Variants in RAB40B observed in about 807,000 individuals in gnomAD.
RAB40B encodes the protein ras-related protein Rab-40B.
In RAB40B, 21 loss-of-function variants were observed where a neutral mutation model predicts 24.0. That is an observed-to-expected ratio of 0.88 (90% confidence interval 0.62 to 1.26). The LOEUF is 1.26. RAB40B is among the 50% of genes most tolerant of loss of function. The pLI is 0.00. For missense variants in RAB40B, 348 were observed against 390.5 expected, an observed-to-expected ratio of 0.89 and a Z score of 0.92; for synonymous variants, 167 against 169.8, an observed-to-expected ratio of 0.98 and a Z score of 0.13.
chr17:82,674,911 C>T (rs1015811447), intron 1 of RAB40B, among the ~76,000 whole-genome samples: 2 of 152,100 alleles, frequency 1.3e-5, no homozygotes, highest in East Asian at 1.9e-4. Context: ...CTGACGGCAT[C>T]GTTCAGGCAC....
intron 1 of RAB40B, among the ~76,000 whole-genome samples, chr17:82,683,489 T>C (rs1264935708): frequency 6.6e-6 from 1 of 152,128 alleles, no homozygotes; most frequent in Non-Finnish European, 1.5e-5. Context: ...TTCAGGTTTT[T>C]CAAAATAAGC....
Position 82,656,395 on chromosome 17 carries a change from GC to G in RAB40B, c.*1467del, listed in dbSNP as rs1389301138. 6.6e-6 allele frequency: 1 copy of G among 152,174 alleles called. No individual in the cohort carries two copies. The highest frequency in any genetic ancestry group is 1.5e-5 in the Non-Finnish European group (1 of 68,046). The allele number at this position is 152,174 out of a possible 1,614,324, so 9.4% of individuals were successfully genotyped here. On this transcript the variant is annotated 3_prime_UTR_variant, in exon 6 of 6. Coordinates refer to ENST00000571995, the MANE Select transcript of RAB40B (RefSeq NM_006822.3). ...AACAGTGTGACCAGGGAAGAGAGCG[GC>G]CCTGGAGGTCTTTGCGGTCAGCCCT...
chr17:82,657,442 A>G lies in RAB40B; in HGVS notation c.*421T>C. ...TTTGACATTGAAAAGGAGGTTTACAAAAAGACCCCTCTCGTAATATCAGTG... is the reference window on the plus strand; with the variant it reads ...TTTGACATTGAAAAGGAGGTTTACAGAAAGACCCCTCTCGTAATATCAGTG... On this transcript the variant is annotated 3_prime_UTR_variant, in exon 6 of 6. Transcript: ENST00000571995. 1 of 329,090 alleles carries G rather than the reference A, an allele frequency of 3.0e-6. No individual in the cohort carries two copies. The highest frequency in any genetic ancestry group is 2.5e-5 in the South Asian group (1 of 39,838). 20.4% of individuals were successfully genotyped at this position (329,090 alleles called of 1,614,324 possible). A position where few individuals can be genotyped will look rare whatever the true frequency, so the allele number is the denominator to read the frequency against.
In RAB40B at chr17:82,672,310, TGA is replaced by T. The variant is rs1568037269; in HGVS notation, c.143-7756_143-7755del. Among the ~76,000 whole-genome samples the T allele has an allele frequency of 2.5e-4, 33 of 131,728 alleles. 1 individual carries two copies. Among genetic ancestry groups the T allele is most frequent in the East Asian group, 4.6e-4 (2 of 4,340 alleles). The allele number at this position is 131,728 out of a possible 152,430, so 86.4% of individuals were successfully genotyped here. On this transcript the variant is annotated intron_variant, in intron 1 of 5. Coordinates refer to ENST00000571995, the MANE Select transcript of RAB40B (RefSeq NM_006822.3). Reference sequence around the variant, plus strand: ...ACACAAACTCACACGCTCCCTGTACTGACACACCCCACCCCTGTAACTCTAAC... The same window carrying T: ...ACACAAACTCACACGCTCCCTGTACTCACACCCCACCCCTGTAACTCTAAC...
At chr17:82,682,121 G>GCACA (rs3078848) in intron 1 of RAB40B, among the ~76,000 whole-genome samples, 228 of 149,998 alleles carry the variant, frequency 1.5e-3, no homozygotes, top group African/African-American at 5.0e-3. Context: ...ACACACGCAT[G>GCACA]CACACACACA....
chr17:82,658,380 C>G, intron 5 of RAB40B, 111 bp downstream of exon 5: 1 of 1,281,194 alleles, frequency 7.8e-7, no homozygotes, highest in Non-Finnish European at 1.1e-6. Flanking sequence ...TGAGAACGGA[C>G]ACAGTGGCCT....
chr17:82,665,451 G>C (rs991410607), intron 1 of RAB40B, among the ~76,000 whole-genome samples: 1 of 152,054 alleles, frequency 6.6e-6, no homozygotes, highest in Admixed American at 6.6e-5. Flanking sequence ...ACGGGGTTTC[G>C]CTATGTTTCC....
At chr17:82,670,051 G>A (rs1342208608) in intron 1 of RAB40B, among the ~76,000 whole-genome samples, 1 of 152,142 alleles carries the variant, frequency 6.6e-6, no homozygotes, top group Non-Finnish European at 1.5e-5. Context: ...TCCAGACGAA[G>A]GGACACTCAC....
chr17:82,697,493 G>A lies in RAB40B; in HGVS notation c.142+962C>T, dbSNP rs1358743027. Among the ~76,000 whole-genome samples, 1 of 152,116 alleles carries A rather than the reference G, an allele frequency of 6.6e-6. No individual in the cohort carries two copies. The highest frequency in any genetic ancestry group is 2.4e-5 in the African/African-American group (1 of 41,420). ...TGCCCTCCTCCGCCCAGGACTCAGA[G>A]CGGGTCTCTGTTGGAAGCGTGGGTT... On this transcript the variant is annotated intron_variant, in intron 1 of 5. Transcript: ENST00000571995. This position sits in a 1 kb window ranked among gnomAD's most constrained non-coding sequence, Gnocchi z 4.9.
chr17:82,686,175 G>A (rs1215378989), intron 1 of RAB40B, among the ~76,000 whole-genome samples: 25 of 146,238 alleles, frequency 1.7e-4, no homozygotes, highest in Admixed American at 1.6e-3. Flanking sequence ...GCAGTGGCAC[G>A]ATCTCAGCTC....
intron 1 of RAB40B, among the ~76,000 whole-genome samples, chr17:82,668,539 C>G (rs1333856717): frequency 6.6e-6 from 1 of 152,280 alleles, no homozygotes; most frequent in East Asian, 1.9e-4. Context: ...CAACAGCGCC[C>G]AGTCCCGAGG....
At chr17:82,682,584 G>A (rs755397268) in intron 1 of RAB40B, among the ~76,000 whole-genome samples, 19 of 152,070 alleles carry the variant, frequency 1.2e-4, no homozygotes, top group Non-Finnish European at 2.2e-4. Context: ...AGTCAAAAGA[G>A]CAAAGTTGGA....
chr17:82,687,564 G>T (rs1199354407), intron 1 of RAB40B, among the ~76,000 whole-genome samples: 1 of 152,166 alleles, frequency 6.6e-6, no homozygotes, highest in Admixed American at 6.6e-5. Flanking sequence ...AACAGCCTGA[G>T]GCTCATTCCT....
chr17:82,683,930 T>C (rs901652080), intron 1 of RAB40B, among the ~76,000 whole-genome samples: 6 of 151,176 alleles, frequency 4.0e-5, no homozygotes, highest in Non-Finnish European at 1.5e-5. Context: ...AAAATTACAA[T>C]AAGATACTGG....
intron 5 of RAB40B, 68 bp from the exon 6 acceptor site, chr17:82,658,202 C>T (rs1254132114): frequency 9.0e-6 from 14 of 1,554,790 alleles, no homozygotes; most frequent in East Asian, 4.5e-5. Flanking sequence ...AGGGGTGGTG[C>T]CCACACCTGT....
chr17:82,659,546 A>G (rs773336240), intron 4 of RAB40B, 34 bp downstream of exon 4: 1 of 1,602,104 alleles, frequency 6.2e-7, no homozygotes, highest in East Asian at 2.2e-5. Context: ...CCAAGCCTAC[A>G]GGGATCTTGG....
At chr17:82,668,475 C>T (rs1440054173) in intron 1 of RAB40B, among the ~76,000 whole-genome samples, 2 of 152,278 alleles carry the variant, frequency 1.3e-5, no homozygotes, top group African/African-American at 4.8e-5. Context: ...CAAGGGGCGC[C>T]TGCAGGCCAG....
chr17:82,670,255 G>A (rs868269905), intron 1 of RAB40B, among the ~76,000 whole-genome samples: 5 of 137,726 alleles, frequency 3.6e-5, no homozygotes, highest in Admixed American at 1.7e-4. Context: ...ACGTGATCTC[G>A]CTCACTGCAA....
intron 1 of RAB40B, among the ~76,000 whole-genome samples, chr17:82,688,955 T>C (rs1440863395): frequency 6.6e-6 from 1 of 152,162 alleles, no homozygotes; most frequent in Non-Finnish European, 1.5e-5. Context: ...AAAAATTGTT[T>C]TGTTTGATAA....
Sources: gnomAD v4.1 joint callset for allele counts (sites outside exome capture counted in the v4.1 genomes callset) on GRCh38, gnomAD v4.1.1 for gene constraint, Gnocchi (gnomAD v3.1) non-coding constraint, MANE v1.5 for transcripts, NCBI Gene and HGNC (gene_info 2026-07-23, HGNC 2026-07-21) for gene names.